Variants in SLCO3A1 observed in about 807,000 individuals in gnomAD.
The protein encoded by SLCO3A1 is solute carrier organic anion transporter family member 3A1, also known as PGE1 transporter.
Under a neutral mutation model 63.1 loss-of-function variants are expected in SLCO3A1, and 27 were observed. The observed-to-expected ratio is 0.43, with a 90% CI of 0.32 to 0.59. SLCO3A1 has a LOEUF of 0.59. Ranked by LOEUF, SLCO3A1 falls within the 20% of genes least tolerant of loss-of-function variation. SLCO3A1 has a pLI of 0.09. For synonymous variants in SLCO3A1, 473 were observed against 409.9 expected, an observed-to-expected ratio of 1.15 and a Z score of -1.86; for missense variants, 773 against 945.8, an observed-to-expected ratio of 0.82 and a Z score of 2.40.
chr15:92,116,309 T>TAATC (rs1329841218), intron 4 of SLCO3A1, among the ~76,000 whole-genome samples: 5 of 152,336 alleles, frequency 3.3e-5, no homozygotes, highest in Non-Finnish European at 7.3e-5. Flanking sequence ...CAAGAACTCT[T>TAATC]AATCCTACAG....
chr15:92,104,158 C>T (rs996382925), intron 3 of SLCO3A1, 121 bp from the exon 4 acceptor site: 1 of 1,158,686 alleles, frequency 8.6e-7, no homozygotes, highest in Non-Finnish European at 1.2e-6. Flanking sequence ...AGCCAGTGTT[C>T]CCGACCGCAA....
intron 2 of SLCO3A1, among the ~76,000 whole-genome samples, chr15:91,928,374 T>C (rs1188038889): frequency 6.6e-6 from 1 of 152,162 alleles, no homozygotes; most frequent in Non-Finnish European, 1.5e-5. Flanking sequence ...GTAAAGGAGC[T>C]AAAGTTCATG....
intron 2 of SLCO3A1, among the ~76,000 whole-genome samples, chr15:92,030,461 T>C (rs1024676506): frequency 6.6e-6 from 1 of 152,190 alleles, no homozygotes; most frequent in Non-Finnish European, 1.5e-5. Context: ...CCGCAGTCAG[T>C]AACACAGCCA....
rs116705478 is a variant in SLCO3A1, at chr15:92,017,531, T to G, written c.647-77350T>G. Among the ~76,000 whole-genome samples, 1,302 of 151,952 alleles carry G rather than the reference T, an allele frequency of 8.6e-3. 19 individuals carry two copies. The highest frequency in any genetic ancestry group is 0.03 in the African/African-American group (1,248 of 41,442). On this transcript the variant is annotated intron_variant, in intron 2 of 9. Transcript: ENST00000318445. ...AAATCCAGGGGTGGAAGAAAATGGG[T>G]GTAGAGGTGGATATTTAGGGGAACA...
intron 1 of SLCO3A1, among the ~76,000 whole-genome samples, chr15:91,868,778 AGT>A (rs1897227803): frequency 1.3e-5 from 2 of 152,224 alleles, no homozygotes; most frequent in Admixed American, 1.3e-4. Context: ...GCCTCTCTGC[AGT>A]ATGTGCTACT....
chr15:92,025,667 T>C (rs549201660), intron 2 of SLCO3A1, among the ~76,000 whole-genome samples: 4 of 152,322 alleles, frequency 2.6e-5, no homozygotes, highest in Non-Finnish European at 5.9e-5. Context: ...TCAATTCTTT[T>C]CCTTCCCCAA....
At chr15:92,166,288 G>T (rs1483853781), downstream of SLCO3A1, among the ~76,000 whole-genome samples, 1 of 152,092 alleles carries the variant, frequency 6.6e-6, no homozygotes, top group Non-Finnish European at 1.5e-5. Context: ...CTCCTCTCAC[G>T]GTCCCCCCGA....
At position 92,146,148 on chromosome 15, in the gene SLCO3A1, A is replaced by G. The variant is rs573307332; in HGVS notation, c.1513-836A>G. Reference sequence around the variant, plus strand: ...CTTTGTATTCATTAAAGGCCTCTGCACTATTATTATGGAACCTTAATTGGC... The same window carrying G: ...CTTTGTATTCATTAAAGGCCTCTGCGCTATTATTATGGAACCTTAATTGGC... On this transcript the variant is annotated intron_variant, in intron 7 of 9. Coordinates refer to ENST00000318445, the MANE Select transcript of SLCO3A1 (RefSeq NM_013272.4). Among the ~76,000 whole-genome samples the G allele has an allele frequency of 1.5e-4, 23 of 152,284 alleles. 1 individual carries two copies. The highest frequency in any genetic ancestry group is 3.4e-3 in the Middle Eastern group (1 of 294).
In SLCO3A1 at chr15:91,977,571, G is replaced by C. The variant is rs995847226; in HGVS notation, c.646+61113G>C. On this transcript the variant is annotated intron_variant, in intron 2 of 9. Transcript: ENST00000318445. ...AGGAGCTAAGCTATGAGGACATAAA[G>C]GCATAGAGTGATATAACGAACTTTG... Among the ~76,000 whole-genome samples, 4 of 152,222 alleles carry C rather than the reference G, an allele frequency of 2.6e-5. No individual in the cohort carries two copies. In the South Asian group the frequency reaches 8.3e-4, roughly 32 times the overall value.
chr15:92,027,283 A>G (rs187268238), intron 2 of SLCO3A1, among the ~76,000 whole-genome samples: 367 of 152,370 alleles, frequency 2.4e-3, no homozygotes, highest in Non-Finnish European at 4.3e-3. Context: ...CGTTCTTTTA[A>G]TATCCTTGTG....
intron 2 of SLCO3A1, among the ~76,000 whole-genome samples, chr15:91,986,972 T>C (rs2046061214): frequency 6.6e-6 from 1 of 152,190 alleles, no homozygotes; most frequent in South Asian, 2.1e-4. Flanking sequence ...GTGGTGGCCA[T>C]GGTCAGATGC....
In SLCO3A1 at chr15:91,933,239, A is replaced by G. The variant is rs895958046; in HGVS notation, c.646+16781A>G. ...TCCAATGAACAATTAAGTTTGCTTC[A>G]TTTTGCTTTTGATTTTTATAGATTG... On this transcript the variant is annotated intron_variant, in intron 2 of 9. Transcript: ENST00000318445. Among the ~76,000 whole-genome samples, 5 of 152,086 alleles carry G rather than the reference A, an allele frequency of 3.3e-5. No homozygotes were observed. The East Asian group carries it at 9.6e-4, about 29-fold the overall frequency.
intron 2 of SLCO3A1, among the ~76,000 whole-genome samples, chr15:92,051,435 T>C (rs1445643670): frequency 6.6e-6 from 1 of 152,136 alleles, no homozygotes; most frequent in Non-Finnish European, 1.5e-5. Flanking sequence ...GTTGGAATCA[T>C]CAGTGCACAG....
chr15:91,974,621 G>A (rs971334040), intron 2 of SLCO3A1, among the ~76,000 whole-genome samples: 1 of 152,066 alleles, frequency 6.6e-6, no homozygotes, highest in Non-Finnish European at 1.5e-5. Flanking sequence ...GAGGCGGGAG[G>A]TGGGGTGAGG....
intron 2 of SLCO3A1, among the ~76,000 whole-genome samples, chr15:92,040,432 A>G (rs912657397): frequency 3.9e-5 from 6 of 152,194 alleles, no homozygotes; most frequent in African/African-American, 1.4e-4. Flanking sequence ...CTGATTTCTA[A>G]TGAGCATTTG....
At chr15:92,002,022 G>C (rs1305517621) in intron 2 of SLCO3A1, among the ~76,000 whole-genome samples, 3 of 151,824 alleles carry the variant, frequency 2.0e-5, no homozygotes, top group Admixed American at 6.6e-5. Context: ...TTTTCATATT[G>C]CTCTTCTAAG....
chr15:91,966,181 C>T (rs950619325), intron 2 of SLCO3A1, among the ~76,000 whole-genome samples: 7 of 152,112 alleles, frequency 4.6e-5, no homozygotes, highest in African/African-American at 1.7e-4. Flanking sequence ...ACAGGGGCCT[C>T]GGCTGGCAGC....
intron 2 of SLCO3A1, among the ~76,000 whole-genome samples, chr15:92,012,820 A>C (rs2046383923): frequency 6.6e-6 from 1 of 152,080 alleles, no homozygotes; most frequent in African/African-American, 2.4e-5. Flanking sequence ...ACATCCTCAG[A>C]GCATCCCCAA....
At chr15:92,034,811 GC>G (rs2046703488) in intron 2 of SLCO3A1, among the ~76,000 whole-genome samples, 1 of 151,902 alleles carries the variant, frequency 6.6e-6, no homozygotes, top group Non-Finnish European at 1.5e-5. Context: ...ACGTTGGCTG[GC>G]CCTTTGGCCA....
Sources: gnomAD v4.1 joint callset for allele counts (sites outside exome capture counted in the v4.1 genomes callset) on GRCh38, gnomAD v4.1.1 for gene constraint, MANE v1.5 for transcripts, NCBI Gene and HGNC (gene_info 2026-07-23, HGNC 2026-07-21) for gene names.